The following RSPH3 variants were observed in gnomAD, a reference collection of about 807,000 sequenced individuals.
RSPH3 encodes radial spoke head 3.
Under a neutral mutation model 43.8 loss-of-function variants are expected in RSPH3, and 21 were observed. The ratio of observed to expected loss-of-function variants is 0.48; its 90% CI spans 0.34 to 0.69. The LOEUF (loss-of-function observed/expected upper bound fraction) is 0.69. RSPH3 is among the 30% of genes least tolerant of loss of function. The pLI is 0.01. For missense variants in RSPH3, 487 were observed against 516.0 expected (o/e 0.94, Z 0.54); for synonymous variants, 173 against 179.8 (o/e 0.96, Z 0.30).
At chr6:158,988,994 C>T (rs1258621714) in intron 2 of RSPH3, among the ~76,000 whole-genome samples, 1 of 151,986 alleles carries the variant, frequency 6.6e-6, no homozygotes, top group East Asian at 1.9e-4. Flanking sequence ...TTATTTAATC[C>T]AGTCTAATCT....
chr6:158,982,759 A>C, intron 4 of RSPH3, 71 bp from the exon 5 acceptor site: 1 of 1,031,210 alleles, frequency 9.7e-7, no homozygotes, highest in Non-Finnish European at 1.5e-6. Context: ...AATATAATGA[A>C]TAGCAATAAC....
chr6:158,963,390 TCCTC>T, the RSPH3 span, among the ~76,000 whole-genome samples: 85 of 131,632 alleles, frequency 6.5e-4, no homozygotes, highest in Non-Finnish European at 6.9e-4. Flanking sequence ...CTTCCTTCCT[TCCTC>T]CCTCCCTCCC....
intron 1 of RSPH3, among the ~76,000 whole-genome samples, chr6:158,997,013 C>T (rs1332503985): frequency 6.6e-6 from 1 of 152,142 alleles, no homozygotes; most frequent in Non-Finnish European, 1.5e-5. Context: ...GTTCCAGAGA[C>T]AGCAAGTTGC....
chr6:158,978,607 C>G (rs1777929412), intron 6 of RSPH3, among the ~76,000 whole-genome samples: 1 of 152,090 alleles, frequency 6.6e-6, no homozygotes, highest in African/African-American at 2.4e-5. Flanking sequence ...GTGGCGCGAT[C>G]TCTGCTCACT....
Position 158,999,588 on chromosome 6 carries a change from G to A in RSPH3, c.-38C>T, listed in dbSNP as rs1040008424. ...ACTGCCTCGCTTTCGGTGGAGCTTG[G>A]CTTTGAAGCAGGTGGGCGCTAAGGT... is the stretch of plus-strand genomic sequence containing the variant. On this transcript the variant is annotated 5_prime_UTR_variant, in exon 1 of 8. Coordinates refer to ENST00000367069, the MANE Select transcript of RSPH3 (RefSeq NM_031924.8). 1.9e-6 allele frequency: 3 copies of A among 1,610,372 alleles called. No homozygotes were observed. The highest frequency in any genetic ancestry group is 2.5e-6 in the Non-Finnish European group (3 of 1,177,298).
Position 158,976,978 on chromosome 6 carries a change from C to G in RSPH3, c.*560G>C, listed in dbSNP as rs954297050. 2.6e-5 allele frequency: 4 copies of G among 152,476 alleles called. No homozygotes were observed. The highest frequency in any genetic ancestry group is 9.7e-5 in the African/African-American group (4 of 41,424). The allele number at this position is 152,476 out of a possible 1,614,324, so 9.4% of individuals were successfully genotyped here. On this transcript the variant is annotated 3_prime_UTR_variant, in exon 8 of 8. Coordinates refer to ENST00000367069, the MANE Select transcript of RSPH3 (RefSeq NM_031924.8). ...TACAGGCATGCGCCACCATGCCTGG[C>G]TAATTTTGTATTTTTAGCAGAGATG...
At chr6:158,966,358 A>G in the RSPH3 span, among the ~76,000 whole-genome samples, 1 of 152,164 alleles carries the variant, frequency 6.6e-6, no homozygotes, top group Non-Finnish European at 1.5e-5. Context: ...ATGAGGTGGG[A>G]ACTGTTCCCC....
intron 1 of RSPH3, among the ~76,000 whole-genome samples, chr6:158,998,205 A>G (rs562043856): frequency 6.9e-6 from 1 of 144,464 alleles, no homozygotes; most frequent in African/African-American, 2.5e-5. Flanking sequence ...TAATCCCAGC[A>G]TTTTGGGAGG....
At chr6:158,999,390 T>C in intron 1 of RSPH3, 45 bp downstream of exon 1, 2 of 1,445,550 alleles carry the variant, frequency 1.4e-6, no homozygotes, top group Non-Finnish European at 1.8e-6. Flanking sequence ...GGCCTGGGGA[T>C]GGGGTGCAAG....
At chr6:158,983,035 T>G (rs1409271859) in intron 4 of RSPH3, among the ~76,000 whole-genome samples, 1 of 152,176 alleles carries the variant, frequency 6.6e-6, no homozygotes, top group Non-Finnish European at 1.5e-5. Context: ...GAATGAGAGA[T>G]ATTTTGGTGA....
In RSPH3 at chr6:158,977,637, CCTT is replaced by C. The variant is rs777408014; in HGVS notation, c.1155_1157del (p.Arg386del). On this transcript the variant is annotated inframe_deletion, in exon 8 of 8. Transcript: ENST00000367069. ...CCATAAACTTCCTTTCCTGGGATGA[CCTT>C]CTGTCATATGTTGTTCTTTGTAGGT... 3 of 1,614,102 alleles carry C rather than the reference CCTT, an allele frequency of 1.9e-6. No homozygotes were observed. The South Asian group carries it at 3.3e-5, about 18-fold the overall frequency.
intron 1 of RSPH3, among the ~76,000 whole-genome samples, chr6:158,994,565 G>C (rs1386791927): frequency 6.6e-6 from 1 of 152,128 alleles, no homozygotes; most frequent in African/African-American, 2.4e-5. Flanking sequence ...GCATGATAAT[G>C]GTTTCAGCCC....
At position 158,978,290 on chromosome 6, in the gene RSPH3, A is replaced by G. The variant is rs777987291; in HGVS notation, c.916T>C (p.Tyr306His). Reference protein sequence around the residue: ...LMNEVEKTMEYSMVGRTVLDM... With the variant: ...LMNEVEKTMEHSMVGRTVLDM... ...AGCACTGTTCTTCCCACCATGCTAT[A>G]TTCCATGGTTTTTTCAACTTCATTC... Residue 306 changes from tyrosine (Y) to histidine (H), a missense_variant, in exon 7 of 8, where the codon TAT (tyrosine) becomes CAT (histidine). Tyr to His is a moderately conservative substitution (Grantham distance 83). Transcript: ENST00000367069. 4 of 1,586,972 alleles carry G rather than the reference A, an allele frequency of 2.5e-6. No homozygotes were observed. Among genetic ancestry groups the G allele is most frequent in the South Asian group, 2.2e-5 (2 of 90,318 alleles).
chr6:158,971,482 C>T (rs371424589), downstream of RSPH3, among the ~76,000 whole-genome samples: 66 of 152,276 alleles, frequency 4.3e-4, no homozygotes, highest in South Asian at 0.013. Flanking sequence ...TTAATATAAA[C>T]ATGTAGTCAG....
downstream of RSPH3, among the ~76,000 whole-genome samples, chr6:158,968,427 G>C (rs1777655499): frequency 1.3e-5 from 2 of 151,940 alleles, no homozygotes; most frequent in South Asian, 4.2e-4. Context: ...ATAGAGATCA[G>C]GTTTCACCAT....
intron 2 of RSPH3, 115 bp from the exon 3 acceptor site, chr6:158,986,536 T>C (rs1380849981): frequency 1.3e-6 from 1 of 761,830 alleles, no homozygotes; most frequent in Non-Finnish European, 2.1e-6. Context: ...ATAATGTTTC[T>C]TGATTATCAG....
rs1007851841 is a variant in RSPH3 at position 158,989,800 on chromosome 6, G to A, written c.205-3379C>T. On this transcript the variant is annotated intron_variant, in intron 2 of 7. Transcript: ENST00000367069. The surrounding 1 kb of genome is among the most constrained non-coding windows in gnomAD (Gnocchi z 4.3). ...TCACAAGTCAGAGATAAATCCTTGC[G>A]ATGGTTAATACTGAGTGTCAACTTG... is the stretch of plus-strand genomic sequence containing the variant. Among the ~76,000 whole-genome samples the A allele has an allele frequency of 2.6e-5, 4 of 152,124 alleles. No individual in the cohort carries two copies. The highest frequency in any genetic ancestry group is 9.7e-5 in the African/African-American group (4 of 41,422).
At chr6:158,993,173 A>AGT (rs1778476330) in intron 2 of RSPH3, among the ~76,000 whole-genome samples, 2 of 152,004 alleles carry the variant, frequency 1.3e-5, no homozygotes. Flanking sequence ...ACTGGAGTGC[A>AGT]GTGGTGCGAT....
At chr6:158,994,657 T>A (rs1191878331) in intron 1 of RSPH3, among the ~76,000 whole-genome samples, 2 of 152,000 alleles carry the variant, frequency 1.3e-5, no homozygotes, top group African/African-American at 2.4e-5. Context: ...TCTCAAAAAA[T>A]AAATAAATAA....
Sources: gnomAD v4.1 joint callset for allele counts (sites outside exome capture counted in the v4.1 genomes callset) on GRCh38, gnomAD v4.1.1 for gene constraint, Gnocchi (gnomAD v3.1) non-coding constraint, MANE v1.5 for transcripts, NCBI Gene and HGNC (gene_info 2026-07-23, HGNC 2026-07-21) for gene names.